The following THADA variants were observed in gnomAD, a reference collection of about 807,000 sequenced individuals.
THADA encodes the protein THADA armadillo repeat containing.
Under a neutral mutation model 219.8 loss-of-function variants are expected in THADA, and 213 were observed. The observed-to-expected ratio is 0.97, with a 90% confidence interval of 0.87 to 1.09. THADA has a LOEUF of 1.09. Ranked by LOEUF, THADA falls within the 50% of genes least tolerant of loss-of-function variation. The pLI is 0.00. For missense variants in THADA, 2,956 were observed against 2,311.3 expected (o/e 1.28, Z -5.72); for synonymous variants, 1,018 against 828.9 (o/e 1.23, Z -3.92).
intron 26 of THADA, among the ~76,000 whole-genome samples, chr2:43,479,793 G>T (rs1349491092): frequency 6.6e-6 from 1 of 152,132 alleles, no homozygotes; most frequent in African/African-American, 2.4e-5. Context: ...CTGTCTACAT[G>T]AGAACAGCGA....
At chr2:43,291,454 C>CAAAAAAAAAAAAAAAAAAA (rs765352765) in intron 34 of THADA, among the ~76,000 whole-genome samples, 33 of 8,078 alleles carry the variant, frequency 4.1e-3, no homozygotes, top group African/African-American at 5.9e-3. Context: ...AACTCCATCT[C>CAAAAAAAAAAAAAAAAAAA]AAAAAAAAAA....
chr2:43,297,532 C>G (rs1373377998), intron 31 of THADA, among the ~76,000 whole-genome samples: 1 of 113,162 alleles, frequency 8.8e-6, no homozygotes, highest in Non-Finnish European at 1.8e-5. Flanking sequence ...CCAGCCGTGC[C>G]GTCCGGGAGG....
chr2:43,431,108 A>C (rs775652846), intron 26 of THADA, among the ~76,000 whole-genome samples: 12 of 152,236 alleles, frequency 7.9e-5, no homozygotes, highest in Non-Finnish European at 1.0e-4. Flanking sequence ...CTGTCTCCAT[A>C]ACTATTAAAG....
In THADA at chr2:43,574,881, T is replaced by C. The variant is rs781391774; in HGVS notation, c.1184A>G (p.Tyr395Cys). The change falls in exon 11 of 38, where the codon TAT becomes TGT. Residue 395 changes from tyrosine (Y) to cysteine (C), a missense_variant. Tyr to Cys is a radical substitution (Grantham distance 194). Coordinates refer to ENST00000405975, the MANE Select transcript of THADA (RefSeq NM_022065.5). Reference sequence around the variant, plus strand: ...TGGATGTTCCCAATGGGTATAGACATATTCCAAAAGTCTCCCAACTATACT... The same window carrying C: ...TGGATGTTCCCAATGGGTATAGACACATTCCAAAAGTCTCCCAACTATACT... ...NSSIVGRLLE[Y>C]VYTHWEHPLD... 3.1e-6 allele frequency: 5 copies of C among 1,613,984 alleles called. No individual in the cohort carries two copies. In the South Asian group the frequency reaches 4.4e-5, roughly 14 times the overall value.
chr2:43,588,992 C>T (rs1701280892), intron 4 of THADA, among the ~76,000 whole-genome samples: 2 of 152,110 alleles, frequency 1.3e-5, no homozygotes, highest in Non-Finnish European at 2.9e-5. Flanking sequence ...ATTCATATTA[C>T]AGAATATTTA....
intron 24 of THADA, among the ~76,000 whole-genome samples, chr2:43,500,155 T>TA (rs1356116216): frequency 1.3e-5 from 2 of 151,606 alleles, no homozygotes; most frequent in South Asian, 2.1e-4. Context: ...GTCTCTAAAA[T>TA]AAAAAAATAA....
intron 26 of THADA, among the ~76,000 whole-genome samples, chr2:43,480,108 T>A (rs1573861550): frequency 6.6e-6 from 1 of 152,370 alleles, no homozygotes; most frequent in Non-Finnish European, 1.5e-5. Context: ...GCATGTGCTC[T>A]GCAGATGGAG....
chr2:43,320,559 G>A lies in THADA; in HGVS notation c.4344-19C>T. The A allele has an allele frequency of 6.3e-7, 1 of 1,583,578 alleles. No individual in the cohort carries two copies. Among genetic ancestry groups the A allele is most frequent in the East Asian group, 2.2e-5 (1 of 44,618 alleles). ...ATTTTGCCTAGAAAGGTAAAGAACA[G>A]AATATAAATTGAGATTTTCTCTCCC... On this transcript the variant is annotated intron_variant, in intron 30 of 37. Coordinates refer to ENST00000405975, the MANE Select transcript of THADA (RefSeq NM_022065.5).
At chr2:43,348,846 G>T (rs761307961) in intron 29 of THADA, among the ~76,000 whole-genome samples, 1 of 152,130 alleles carries the variant, frequency 6.6e-6, no homozygotes, top group Non-Finnish European at 1.5e-5. Flanking sequence ...AATTTATGTC[G>T]CAAAAAAGAA....
chr2:43,521,518 T>C (rs777854018), intron 22 of THADA, among the ~76,000 whole-genome samples: 3 of 152,184 alleles, frequency 2.0e-5, no homozygotes, highest in Non-Finnish European at 4.4e-5. Context: ...ATTGCACCAC[T>C]GCACTCCAGC....
Position 43,454,602 on chromosome 2 carries a change from A to AACACACACAC in THADA, c.3837-24310_3837-24301dup, listed in dbSNP as rs35970227. On this transcript the variant is annotated intron_variant, in intron 26 of 37. Transcript: ENST00000405975. ...CAGTGACAGAAGGAGACCCTGTCTA[A>AACACACACAC]ACACACACACACACACACACACACA... Among the ~76,000 whole-genome samples the AACACACACAC allele has an allele frequency of 3.4e-4, 51 of 149,082 alleles. No individual in the cohort carries two copies. In the South Asian group the frequency reaches 4.3e-3, roughly 13 times the overall value.
Position 43,560,717 on chromosome 2 carries a change from C to T in THADA, c.2312-332G>A, listed in dbSNP as rs562684871. 1.0e-3 allele frequency among the ~76,000 whole-genome samples: 155 copies of T among 152,056 alleles called. 1 individual carries two copies. The highest frequency in any genetic ancestry group is 3.6e-3 in the African/African-American group (148 of 41,520). ...TAAAAATCCTAATAAAACTTCTTGA[C>T]CTAGAATACAAAGTTCTGGCCAGGC... On this transcript the variant is annotated intron_variant, in intron 15 of 37. Transcript: ENST00000405975.
chr2:43,310,895 G>A (rs943240722), intron 31 of THADA, among the ~76,000 whole-genome samples: 2 of 152,122 alleles, frequency 1.3e-5, no homozygotes, highest in African/African-American at 4.8e-5. Flanking sequence ...GAAATAACTC[G>A]GCTGGGCGCG....
chr2:43,539,250 G>C (rs1054545712), intron 21 of THADA, among the ~76,000 whole-genome samples: 1 of 152,230 alleles, frequency 6.6e-6, no homozygotes, highest in Non-Finnish European at 1.5e-5. Flanking sequence ...CACAGATCTA[G>C]CTTTGCCAGG....
At chr2:43,482,788 G>C (rs1342663389) in intron 26 of THADA, among the ~76,000 whole-genome samples, 1 of 152,102 alleles carries the variant, frequency 6.6e-6, no homozygotes, top group Non-Finnish European at 1.5e-5. Context: ...TCACAGAAGT[G>C]GTAACAGAAA....
At chr2:43,348,790 T>G (rs897420099) in intron 29 of THADA, among the ~76,000 whole-genome samples, 1 of 152,188 alleles carries the variant, frequency 6.6e-6, no homozygotes, top group Admixed American at 6.5e-5. Flanking sequence ...GGGGAATTAA[T>G]GAGTTTGGTT....
intron 29 of THADA, among the ~76,000 whole-genome samples, chr2:43,351,878 T>C (rs926040453): frequency 1.3e-5 from 2 of 152,244 alleles, no homozygotes; most frequent in Non-Finnish European, 2.9e-5. Flanking sequence ...AAAGTAATTA[T>C]GAGTTCCTTC....
intron 29 of THADA, among the ~76,000 whole-genome samples, chr2:43,372,417 T>C (rs986434424): frequency 6.6e-6 from 1 of 152,174 alleles, no homozygotes; most frequent in Non-Finnish European, 1.5e-5. Context: ...AACCCTAAAA[T>C]AGTGAAATTC....
At chr2:43,479,966 G>A (rs1018622312) in intron 26 of THADA, among the ~76,000 whole-genome samples, 1 of 152,204 alleles carries the variant, frequency 6.6e-6, no homozygotes, top group Non-Finnish European at 1.5e-5. Flanking sequence ...GGAGATTTGA[G>A]ATTATTGGTC....
Sources: gnomAD v4.1 joint callset for allele counts (sites outside exome capture counted in the v4.1 genomes callset) on GRCh38, gnomAD v4.1.1 for gene constraint, MANE v1.5 for transcripts, NCBI Gene and HGNC (gene_info 2026-07-23, HGNC 2026-07-21) for gene names.